The following CLEC19A variants were observed in gnomAD, a reference collection of about 807,000 sequenced individuals.
The protein encoded by CLEC19A is C-type lectin domain containing 19A.
Under a neutral mutation model 26.1 loss-of-function variants are expected in CLEC19A, and 21 were observed. That is an observed-to-expected ratio of 0.80 (90% CI 0.57 to 1.16). CLEC19A has a LOEUF of 1.16. Ranked by LOEUF, CLEC19A falls within the 50% of genes most tolerant of loss-of-function variation. CLEC19A has a pLI of 0.00. For synonymous variants in CLEC19A, 89 were observed against 88.6 expected (o/e 1.00, Z -0.03); for missense variants, 224 against 227.6 (o/e 0.98, Z 0.10).
chr16:19,309,128 T>G lies in CLEC19A; in HGVS notation c.*45T>G, dbSNP rs539879607. 42 of 1,391,290 alleles carry G rather than the reference T, an allele frequency of 3.0e-5. No homozygotes were observed. In the South Asian group the frequency reaches 4.0e-4, roughly 13 times the overall value. 86.2% of individuals were successfully genotyped at this position (1,391,290 alleles called of 1,614,324 possible). On this transcript the variant is annotated 3_prime_UTR_variant, in exon 5 of 5. Coordinates refer to ENST00000636231, the MANE Select transcript of CLEC19A (RefSeq NM_001256720.2). ...TGTGAGCTCAACTCTAGTATCATCT[T>G]GTAGCTGTAACCAGTGTAGAATTGA...
At chr16:19,286,040 TG>T in intron 1 of CLEC19A, 101 bp downstream of exon 1, 1 of 1,160,680 alleles carries the variant, frequency 8.6e-7, no homozygotes. Context: ...GGGGTTGGGG[TG>T]GCCTGACCCG....
chr16:19,304,307 C>A, intron 3 of CLEC19A, 152 bp downstream of exon 3: 1 of 623,158 alleles, frequency 1.6e-6, no homozygotes, highest in Middle Eastern at 3.2e-4. Context: ...TACAGCATGA[C>A]CAATTTGTGA....
At chr16:19,303,960 A>T in intron 2 of CLEC19A, 102 bp from the exon 3 acceptor site, 3 of 913,856 alleles carry the variant, frequency 3.3e-6, no homozygotes, top group Non-Finnish European at 4.9e-6. Context: ...TCCTCTATTT[A>T]CTTTGGTCCA....
intron 1 of CLEC19A, among the ~76,000 whole-genome samples, chr16:19,286,314 T>C (rs949403810): frequency 6.6e-6 from 1 of 152,226 alleles, no homozygotes; most frequent in Non-Finnish European, 1.5e-5. Flanking sequence ...GATCTGAACA[T>C]GGTAGTTTTG....
Position 19,308,986 on chromosome 16 carries a change from T to C in CLEC19A, c.482-18T>C. 6.5e-7 allele frequency: 1 copy of C among 1,546,410 alleles called. No homozygotes were observed. Among genetic ancestry groups the C allele is most frequent in the Non-Finnish European group, 8.7e-7 (1 of 1,145,026 alleles). On this transcript the variant is annotated intron_variant, in intron 4 of 4. Transcript: ENST00000636231. Reference sequence around the variant, plus strand: ...CGGATGGATTTTCACCCAGATTCTCTGCTTCTTTCCATCACAGCTCTGAGG... The same window carrying C: ...CGGATGGATTTTCACCCAGATTCTCCGCTTCTTTCCATCACAGCTCTGAGG...
Position 19,309,331 on chromosome 16 carries a change from G to T in CLEC19A, c.*248G>T, listed in dbSNP as rs1597091474. 1 of 393,660 alleles carries T rather than the reference G, an allele frequency of 2.5e-6. No individual in the cohort carries two copies. Among genetic ancestry groups the T allele is most frequent in the East Asian group, 5.5e-5 (1 of 18,164 alleles). The allele number at this position is 393,660 out of a possible 1,614,324, so 24.4% of individuals were successfully genotyped here. On this transcript the variant is annotated 3_prime_UTR_variant, in exon 5 of 5. Transcript: ENST00000636231. ...ATTGACCCAAGTAACAAAAATCCAG[G>T]GGTTGTTCTGATTCAGAGTTGAATC...
Position 19,298,686 on chromosome 16 carries a change from G to A in CLEC19A, c.102G>A (p.Leu34=), listed in dbSNP as rs1360784469. Reference sequence around the variant, plus strand: ...TTCTGCCCCCAGCCCTGCCAGAGCTGCCCCTGCCTTCCCTGTGCCCCCTGT... The same window carrying A: ...TTCTGCCCCCAGCCCTGCCAGAGCTACCCCTGCCTTCCCTGTGCCCCCTGT... The part of the protein sequence containing the change: ...DISISPALPE[L]PLPSLCPLFW... The change falls in exon 2 of 5, where the codon CTG becomes CTA. Residue 34 remains leucine (L), a synonymous_variant. Transcript: ENST00000636231. 3.9e-6 allele frequency: 6 copies of A among 1,551,032 alleles called. No homozygotes were observed. Among genetic ancestry groups the A allele is most frequent in the Non-Finnish European group, 5.2e-6 (6 of 1,147,096 alleles).
Position 19,286,421 on chromosome 16 carries a change from C to T in CLEC19A, c.88+482C>T, listed in dbSNP as rs185750779. Among the ~76,000 whole-genome samples, 19 of 152,148 alleles carry T rather than the reference C, an allele frequency of 1.2e-4. No individual in the cohort carries two copies. In the East Asian group the frequency reaches 1.7e-3, roughly 14 times the overall value. On this transcript the variant is annotated intron_variant, in intron 1 of 4. Transcript: ENST00000636231. ...CTGCAGTGCCACCAGAGGTTAGGTG[C>T]GCAGGGAGGGAGACTTGTCCCTCTA...
intron 4 of CLEC19A, among the ~76,000 whole-genome samples, chr16:19,308,213 C>G (rs767288597): frequency 2.0e-5 from 3 of 152,156 alleles, no homozygotes; most frequent in Non-Finnish European, 4.4e-5. Context: ...AATAATTTGT[C>G]CTACCTACAA....
rs1355545823 is a variant in CLEC19A at position 19,292,242 on chromosome 16, G to A, written c.88+6303G>A. On this transcript the variant is annotated intron_variant, in intron 1 of 4. Transcript: ENST00000636231. ...GCTTCCCAGATTTTCACATTCACAA[G>A]AATCACCTGGGGCTCTTATGAAAAT... 1.3e-5 allele frequency among the ~76,000 whole-genome samples: 2 copies of A among 152,172 alleles called. 1 individual carries two copies. The highest frequency in any genetic ancestry group is 4.1e-4 in the South Asian group (2 of 4,826).
intron 1 of CLEC19A, among the ~76,000 whole-genome samples, chr16:19,292,532 C>G (rs565244546): frequency 1.3e-5 from 2 of 152,306 alleles, no homozygotes; most frequent in African/African-American, 4.8e-5. Context: ...GTTTGATTCC[C>G]TACATGTATT....
chr16:19,289,818 G>A (rs1361146741), intron 1 of CLEC19A, among the ~76,000 whole-genome samples: 1 of 152,236 alleles, frequency 6.6e-6, no homozygotes, highest in Non-Finnish European at 1.5e-5. Flanking sequence ...AGGGCTCACT[G>A]TGAAGGAGGT....
rs1258286486 is a variant in CLEC19A, at chr16:19,310,392, G to A, written c.*1309G>A. 6.6e-6 allele frequency: 1 copy of A among 152,422 alleles called. No individual in the cohort carries two copies. The highest frequency in any genetic ancestry group is 1.9e-4 in the East Asian group (1 of 5,184). The allele number at this position is 152,422 out of a possible 1,614,324, so 9.4% of individuals were successfully genotyped here. A position where few individuals can be genotyped will look rare whatever the true frequency, so the allele number is the denominator to read the frequency against. ...AGGCTGAGATGGGAGGATCACTTGA[G>A]CCCAGGATATCAAGGCTGCAATGGA... is the stretch of plus-strand genomic sequence containing the variant. On this transcript the variant is annotated 3_prime_UTR_variant, in exon 5 of 5. Coordinates refer to ENST00000636231, the MANE Select transcript of CLEC19A (RefSeq NM_001256720.2).
intron 3 of CLEC19A, among the ~76,000 whole-genome samples, chr16:19,306,480 A>G (rs1193063066): frequency 6.6e-6 from 1 of 152,118 alleles, no homozygotes; most frequent in Non-Finnish European, 1.5e-5. Flanking sequence ...ACTGGCAAGA[A>G]CACATAGAGA....
Position 19,298,929 on chromosome 16 carries a change from T to G in CLEC19A, c.254+91T>G. 3 of 1,353,098 alleles carry G rather than the reference T, an allele frequency of 2.2e-6. No individual in the cohort carries two copies. In the South Asian group the frequency reaches 4.5e-5, roughly 20 times the overall value. The allele number at this position is 1,353,098 out of a possible 1,614,324, so 83.8% of individuals were successfully genotyped here. A position where few individuals can be genotyped will look rare whatever the true frequency, so the allele number is the denominator to read the frequency against. On this transcript the variant is annotated intron_variant, in intron 2 of 4. Coordinates refer to ENST00000636231, the MANE Select transcript of CLEC19A (RefSeq NM_001256720.2). ...GGTATTTCCAACTGGCATTTCTCTT[T>G]GGTAATTGAAACTATTTGAAAAAAA...
At chr16:19,290,952 C>G (rs1271862077) in intron 1 of CLEC19A, among the ~76,000 whole-genome samples, 2 of 152,140 alleles carry the variant, frequency 1.3e-5, no homozygotes, top group Non-Finnish European at 2.9e-5. Flanking sequence ...GATGCTCCCT[C>G]TTCAGTCTCT....
chr16:19,293,127 G>GA (rs943765009), intron 1 of CLEC19A, among the ~76,000 whole-genome samples: 5 of 152,028 alleles, frequency 3.3e-5, no homozygotes, highest in South Asian at 2.1e-4. Flanking sequence ...GTAAAGAGGG[G>GA]AAAAAAGAGA....
chr16:19,298,554 A>G (rs939261309), intron 1 of CLEC19A, 119 bp from the exon 2 acceptor site: 42 of 1,073,754 alleles, frequency 3.9e-5, no homozygotes, highest in Admixed American at 1.3e-4. Flanking sequence ...CAACAGAACG[A>G]GACCCTGTCT....
chr16:19,296,212 C>T (rs2143009495), intron 1 of CLEC19A, among the ~76,000 whole-genome samples: 1 of 152,314 alleles, frequency 6.6e-6, no homozygotes, highest in South Asian at 2.1e-4. Context: ...ACAGGCTGTT[C>T]TGGTCAAAGG....
Sources: gnomAD v4.1 joint callset for allele counts (sites outside exome capture counted in the v4.1 genomes callset) on GRCh38, gnomAD v4.1.1 for gene constraint, MANE v1.5 for transcripts, NCBI Gene and HGNC (gene_info 2026-07-23, HGNC 2026-07-21) for gene names.